The following AKAP12 variants were observed in gnomAD, a reference collection of about 807,000 sequenced individuals.
AKAP12 encodes A-kinase anchor protein 12.
Under a neutral mutation model 79.9 loss-of-function variants are expected in AKAP12, and 32 were observed. The ratio of observed to expected loss-of-function variants is 0.40; its 90% CI spans 0.30 to 0.54. The LOEUF (loss-of-function observed/expected upper bound fraction) is 0.54, where lower values mean the gene tolerates loss of function less well. AKAP12 is among the 20% of genes least tolerant of loss of function. The probability of loss-of-function intolerance (pLI) is 0.48; values close to 1 mark genes in which losing one functional copy is unlikely to be tolerated. For synonymous variants in AKAP12, 808 were observed against 857.0 expected, an observed-to-expected ratio of 0.94 and a Z score of 1.00; for missense variants, 2,074 against 2,177.0, an observed-to-expected ratio of 0.95 and a Z score of 0.94.
intron 3 of AKAP12, 31 bp from the exon 4 acceptor site, chr6:151,348,680 T>TTAG: frequency 2.8e-6 from 1 of 355,202 alleles, no homozygotes; most frequent in Non-Finnish European, 5.5e-6. Flanking sequence ...TTTTCTCTTC[T>TTAG]CCCCACCCCC....
intron 2 of AKAP12, among the ~76,000 whole-genome samples, chr6:151,267,716 AT>A (rs1479642813): frequency 1.3e-5 from 2 of 152,162 alleles, no homozygotes; most frequent in Non-Finnish European, 2.9e-5. Flanking sequence ...GACCTATTAC[AT>A]TTCTAGAATG....
intron 3 of AKAP12, among the ~76,000 whole-genome samples, chr6:151,315,304 A>G (rs1290510907): frequency 1.3e-5 from 2 of 152,208 alleles, no homozygotes; most frequent in African/African-American, 2.4e-5. Flanking sequence ...GAGTCTTGTG[A>G]GGTCCCACTT....
intron 3 of AKAP12, among the ~76,000 whole-genome samples, chr6:151,328,650 A>G (rs903820599): frequency 1.4e-4 from 21 of 152,136 alleles, no homozygotes; most frequent in African/African-American, 4.1e-4. Flanking sequence ...AAAAAAAAAA[A>G]AAATTAAATT....
At chr6:151,284,451 C>A (rs997991056) in intron 2 of AKAP12, among the ~76,000 whole-genome samples, 9 of 152,062 alleles carry the variant, frequency 5.9e-5, no homozygotes, top group African/African-American at 1.9e-4. Flanking sequence ...CATGGCGAAA[C>A]CCTGTCTCTA....
chr6:151,341,856 C>T (rs1054425854), intron 3 of AKAP12: 4 of 1,207,156 alleles, frequency 3.3e-6, no homozygotes, highest in African/African-American at 1.6e-5. Context: ...CTGGCCAAGG[C>T]GCGCAGGGAC....
At chr6:151,278,592 C>T (rs1444333499) in intron 2 of AKAP12, among the ~76,000 whole-genome samples, 1 of 151,980 alleles carries the variant, frequency 6.6e-6, no homozygotes, top group Non-Finnish European at 1.5e-5. Context: ...AAGTTCTGTT[C>T]TTTGACTACT....
chr6:151,261,323 A>G (rs1252619794), intron 2 of AKAP12, among the ~76,000 whole-genome samples: 1 of 151,778 alleles, frequency 6.6e-6, no homozygotes, highest in East Asian at 1.9e-4. Context: ...GTGATCCGAG[A>G]TTGTGCCACT....
intron 2 of AKAP12, 97 bp from the exon 3 acceptor site, chr6:151,305,650 C>A: frequency 8.1e-7 from 1 of 1,228,654 alleles, no homozygotes; most frequent in Non-Finnish European, 1.1e-6. Context: ...CTCTGTATTT[C>A]TTCTTTCACT....
chr6:151,332,033 G>GTTGTTTTTGT (rs1303327962), intron 3 of AKAP12, among the ~76,000 whole-genome samples: 1,146 of 79,644 alleles, frequency 0.014, 177 homozygotes, highest in African/African-American at 0.053. Context: ...TTCTGGGTCT[G>GTTGTTTTTGT]TTTTTTTTTT....
At chr6:151,262,656 T>C (rs75639926) in intron 2 of AKAP12, among the ~76,000 whole-genome samples, 4,136 of 152,280 alleles carry the variant, frequency 0.027, 187 homozygotes, top group African/African-American at 0.094. Context: ...ATTTTCATTT[T>C]TAGCAAGTGA....
intron 2 of AKAP12, among the ~76,000 whole-genome samples, chr6:151,263,646 T>C (rs1582841452): frequency 1.3e-5 from 2 of 152,182 alleles, no homozygotes; most frequent in East Asian, 3.8e-4. Context: ...TGGCGTGATC[T>C]CTGCTCACTG....
In AKAP12 at chr6:151,341,596, C is replaced by T. The variant is rs1342800450; in HGVS notation, c.320-7115C>T. Reference sequence around the variant, plus strand: ...CCAGGCTTTCGCGAGCTATGGCAGCCGGCAGGGGCGCGCTGGGCCTCACGG... The same window carrying T: ...CCAGGCTTTCGCGAGCTATGGCAGCTGGCAGGGGCGCGCTGGGCCTCACGG... On this transcript the variant is annotated intron_variant, in intron 3 of 4. Transcript: ENST00000402676. 5 of 674,782 alleles carry T rather than the reference C, an allele frequency of 7.4e-6. No homozygotes were observed. In the East Asian group the frequency reaches 5.2e-4, roughly 70 times the overall value. 41.8% of individuals were successfully genotyped at this position (674,782 alleles called of 1,614,324 possible).
At chr6:151,313,606 C>G (rs943395269) in intron 3 of AKAP12, among the ~76,000 whole-genome samples, 9 of 152,182 alleles carry the variant, frequency 5.9e-5, no homozygotes, top group African/African-American at 1.4e-4. Context: ...AATCAGCAGT[C>G]AAGATGTTTT....
chr6:151,280,092 T>C (rs1052001618), intron 2 of AKAP12, among the ~76,000 whole-genome samples: 2 of 151,706 alleles, frequency 1.3e-5, no homozygotes, highest in Admixed American at 1.3e-4. Flanking sequence ...CTTGCCTTTT[T>C]CACTCAATAG....
At chr6:151,326,489 TAAAAAAAAAAA>T (rs746340831) in intron 3 of AKAP12, among the ~76,000 whole-genome samples, 1 of 80,318 alleles carries the variant, frequency 1.2e-5, no homozygotes. Context: ...CAACAAATAG[TAAAAAAAAAAA>T]AAAAAAGAAA....
At chr6:151,274,958 A>G (rs1776261400) in intron 2 of AKAP12, among the ~76,000 whole-genome samples, 1 of 152,042 alleles carries the variant, frequency 6.6e-6, no homozygotes, top group African/African-American at 2.4e-5. Context: ...ATAAAAATTA[A>G]CCAGGCCTGA....
chr6:151,296,464 T>TA (rs2114743084), intron 2 of AKAP12, among the ~76,000 whole-genome samples: 1 of 152,350 alleles, frequency 6.6e-6, no homozygotes, highest in Non-Finnish European at 1.5e-5. Context: ...CAGTGCTTAC[T>TA]ATATATCTTG....
intron 3 of AKAP12, among the ~76,000 whole-genome samples, chr6:151,345,883 A>T (rs1333503219): frequency 6.4e-5 from 7 of 110,064 alleles, no homozygotes; most frequent in Non-Finnish European, 1.2e-4. Context: ...TATGTGAAGG[A>T]TGTGTGTGTA....
rs1429198639 is a variant in AKAP12, at chr6:151,305,917, C to A, written c.319+14C>A. 1 of 1,594,388 alleles carries A rather than the reference C, an allele frequency of 6.3e-7. No individual in the cohort carries two copies. Among genetic ancestry groups the A allele is most frequent in the South Asian group, 1.1e-5 (1 of 88,236 alleles). The stretch of plus-strand genomic sequence containing the variant: ...TTGTCACAGAGGGTAAGCCGCCCCT[C>A]CAGGAACTGGAAGGCACACAGCACT... On this transcript the variant is annotated intron_variant, in intron 3 of 4. Coordinates refer to ENST00000402676, the MANE Select transcript of AKAP12 (RefSeq NM_005100.4).
Sources: gnomAD v4.1 joint callset for allele counts (sites outside exome capture counted in the v4.1 genomes callset) on GRCh38, gnomAD v4.1.1 for gene constraint, MANE v1.5 for transcripts, NCBI Gene and HGNC (gene_info 2026-07-23, HGNC 2026-07-21) for gene names.